The following ZSWIM9 variants were observed in gnomAD, a reference collection of about 807,000 sequenced individuals.
ZSWIM9 encodes the protein zinc finger SWIM-type containing 9, also known as uncharacterized protein ZSWIM9.
In ZSWIM9, 11 loss-of-function variants were observed where a neutral mutation model predicts 25.0. The observed-to-expected ratio is 0.44, with a 90% CI of 0.28 to 0.73. The LOEUF (loss-of-function observed/expected upper bound fraction) is 0.73. Among genes scored for constraint, ZSWIM9 ranks in the 30% least tolerant of loss-of-function variants. ZSWIM9 has a pLI of 0.16. For missense variants in ZSWIM9, 1,070 were observed against 1,296.5 expected (o/e 0.83, Z 2.68); for synonymous variants, 562 against 582.1 (o/e 0.97, Z 0.50).
chr19:48,192,468 A>ATGTATATATAT (rs1173330681), intron 3 of ZSWIM9, among the ~76,000 whole-genome samples: 3 of 23,876 alleles, frequency 1.3e-4, no homozygotes, highest in Admixed American at 6.9e-4. Context: ...AAAAAAAAAA[A>ATGTATATATAT]AAAAAAAAAA....
chr19:48,195,506 C>G lies in ZSWIM9; in HGVS notation c.1442C>G (p.Pro481Arg), dbSNP rs1599938653. The change falls in exon 4 of 4, where the codon CCG becomes CGG. Residue 481 changes from proline (P) to arginine (R), a missense_variant. By Grantham distance (103) the Pro-to-Arg change is moderately radical. Around this residue, in one of 4 missense-constraint regions of ZSWIM9, gnomAD observed 583 missense variants for 624.7 expected, o/e 0.93. Coordinates refer to ENST00000614654, the MANE Select transcript of ZSWIM9 (RefSeq NM_199341.4). The surrounding 1 kb of genome is among the most constrained non-coding windows in gnomAD (Gnocchi z 5.8). ...GLETGDWGGA[P>R]KEGSIWRGAQ... Reference sequence around the variant, plus strand: ...GAGACAGGCGACTGGGGAGGGGCTCCGAAAGAAGGAAGTATTTGGAGGGGA... The same window carrying G: ...GAGACAGGCGACTGGGGAGGGGCTCGGAAAGAAGGAAGTATTTGGAGGGGA... 3 of 1,409,088 alleles carry G rather than the reference C, an allele frequency of 2.1e-6. No individual in the cohort carries two copies. The highest frequency in any genetic ancestry group is 2.8e-6 in the Non-Finnish European group (3 of 1,088,572). The allele number at this position is 1,409,088 out of a possible 1,614,324, so 87.3% of individuals were successfully genotyped here. A position where few individuals can be genotyped will look rare whatever the true frequency, so the allele number is the denominator to read the frequency against.
At chr19:48,183,819 A>G (rs1342873288) in intron 3 of ZSWIM9, among the ~76,000 whole-genome samples, 1 of 148,196 alleles carries the variant, frequency 6.7e-6, no homozygotes, top group African/African-American at 2.5e-5. Context: ...TAGTTTTTGT[A>G]GAGATGTTTG....
rs946137016 is a variant in ZSWIM9 at position 48,172,095 on chromosome 19, G to A, written c.275+18G>A. On this transcript the variant is annotated intron_variant, in intron 2 of 3. Transcript: ENST00000614654. ...GCCGTGGGGTGCGTGAACCTGAGCC[G>A]CTGTCCTGCTGGGGGGAAGGGGAGC... The A allele has an allele frequency of 5.4e-6, 8 of 1,492,700 alleles. No individual in the cohort carries two copies. In the Admixed American group the frequency reaches 6.3e-5, roughly 12 times the overall value. 92.5% of individuals were successfully genotyped at this position (1,492,700 alleles called of 1,614,324 possible). A position where few individuals can be genotyped will look rare whatever the true frequency, so the allele number is the denominator to read the frequency against.
At chr19:48,192,498 T>TATATATATATATATACACACACAC (rs369454865) in intron 3 of ZSWIM9, among the ~76,000 whole-genome samples, 1 of 20,766 alleles carries the variant, frequency 4.8e-5, no homozygotes, top group African/African-American at 1.4e-4. Flanking sequence ...TATATATATA[T>TATATATATATATATACACACACAC]ACACACACAC....
rs2123471426 is a variant in ZSWIM9, at chr19:48,197,039, G to A, written c.*212G>A. The A allele has an allele frequency of 5.4e-6, 3 of 551,014 alleles. No individual in the cohort carries two copies. Among genetic ancestry groups the A allele is most frequent in the South Asian group, 5.6e-5 (2 of 35,626 alleles). The allele number at this position is 551,014 out of a possible 1,614,324, so 34.1% of individuals were successfully genotyped here. A position where few individuals can be genotyped will look rare whatever the true frequency, so the allele number is the denominator to read the frequency against. ...GGTCCTGGAGCCACAGCTTGGGAAGGTGTTGATGGGCAGGGTGGATTCTGA... is the reference window on the plus strand; with the variant it reads ...GGTCCTGGAGCCACAGCTTGGGAAGATGTTGATGGGCAGGGTGGATTCTGA... On this transcript the variant is annotated 3_prime_UTR_variant, in exon 4 of 4. Coordinates refer to ENST00000614654, the MANE Select transcript of ZSWIM9 (RefSeq NM_199341.4).
rs1294432521 is a variant in ZSWIM9, at chr19:48,190,104, G to A, written c.589-4549G>A. Among the ~76,000 whole-genome samples the A allele has an allele frequency of 2.0e-5, 3 of 151,766 alleles. No homozygotes were observed. The East Asian group carries it at 5.8e-4, about 29-fold the overall frequency. On this transcript the variant is annotated intron_variant, in intron 3 of 3. Transcript: ENST00000614654. ...TGTAGTCCCAGCTACTCGGGAGACT[G>A]AGGCAGAAGAATCACTTAAACCTGG...
Position 48,181,502 on chromosome 19 carries a change from C to G in ZSWIM9, c.276-953C>G, listed in dbSNP as rs538367467. 2.0e-5 allele frequency: 3 copies of G among 152,262 alleles called. No individual in the cohort carries two copies. The East Asian group carries it at 5.8e-4, about 29-fold the overall frequency. The allele number at this position is 152,262 out of a possible 1,614,324, so 9.4% of individuals were successfully genotyped here. On this transcript the variant is annotated intron_variant, in intron 2 of 3. Transcript: ENST00000614654. ...ATATACCACAACTTATTTTCTCACT[C>G]TATTGTTGGATATTTAGGTTTCAAG...
chr19:48,176,142 G>T (rs969453710), intron 2 of ZSWIM9, among the ~76,000 whole-genome samples: 3 of 152,122 alleles, frequency 2.0e-5, no homozygotes, highest in African/African-American at 4.8e-5. Context: ...GGAGGCGAAG[G>T]TTGCAGTGAG....
rs2037151338 is a variant in ZSWIM9, at chr19:48,195,584, G to C, written c.1520G>C (p.Gly507Ala). 7.1e-7 allele frequency: 1 copy of C among 1,417,956 alleles called. No homozygotes were observed. Among genetic ancestry groups the C allele is most frequent in the Non-Finnish European group, 9.2e-7 (1 of 1,091,398 alleles). The allele number at this position is 1,417,956 out of a possible 1,614,324, so 87.8% of individuals were successfully genotyped here. A position where few individuals can be genotyped will look rare whatever the true frequency, so the allele number is the denominator to read the frequency against. The change falls in exon 4 of 4, where the codon GGG (glycine) becomes GCG (alanine). Residue 507 changes from glycine (G) to alanine (A), a missense_variant. By Grantham distance (60) the Gly-to-Ala change is moderately conservative. Coordinates refer to ENST00000614654, the MANE Select transcript of ZSWIM9 (RefSeq NM_199341.4). The surrounding 1 kb of genome is among the most constrained non-coding windows in gnomAD (Gnocchi z 5.8). Reference protein sequence around the residue: ...ARALETRDWGGAQFEGEKGRA... With the variant: ...ARALETRDWGAAQFEGEKGRA... ...GCACTGGAAACCAGAGACTGGGGCGGGGCTCAGTTCGAAGGTGAGAAGGGG... is the reference window on the plus strand; with the variant it reads ...GCACTGGAAACCAGAGACTGGGGCGCGGCTCAGTTCGAAGGTGAGAAGGGG...
At chr19:48,171,277 C>T (rs2036801336) in intron 1 of ZSWIM9, 2 of 985,128 alleles carry the variant, frequency 2.0e-6, no homozygotes, top group Admixed American at 6.2e-5. Flanking sequence ...GTGAGGGGTC[C>T]GTGGCCTGGA....
chr19:48,186,832 G>T (rs993052942), intron 3 of ZSWIM9: 2 of 153,062 alleles, frequency 1.3e-5, no homozygotes, highest in African/African-American at 4.8e-5. Context: ...ACCCACTTGG[G>T]GTTCAGAATC....
At chr19:48,191,271 C>A (rs553416634) in intron 3 of ZSWIM9, among the ~76,000 whole-genome samples, 10 of 152,268 alleles carry the variant, frequency 6.6e-5, no homozygotes, top group African/African-American at 2.2e-4. Flanking sequence ...GTGGCACAAT[C>A]TCGGCTCACT....
Position 48,194,706 on chromosome 19 carries a change from G to A in ZSWIM9, c.642G>A (p.Leu214=), listed in dbSNP as rs1013780377. Residue 214 remains leucine, a synonymous_variant, in exon 4 of 4, where the codon CTG becomes CTA. Coordinates refer to ENST00000614654, the MANE Select transcript of ZSWIM9 (RefSeq NM_199341.4). The surrounding 1 kb of genome is among the most constrained non-coding windows in gnomAD (Gnocchi z 6.0). ...CTGTGGTGGAGACGGTGTTCTTCCT[G>A]ACGTCGCGCACCAGGGCGCTGCTGC... is the stretch of plus-strand genomic sequence containing the variant. ...DQAVVETVFF[L]TSRTRALLRR... is the part of the protein sequence containing the mutation. 8 of 1,528,392 alleles carry A rather than the reference G, an allele frequency of 5.2e-6. No individual in the cohort carries two copies. The highest frequency in any genetic ancestry group is 1.7e-4 in the Middle Eastern group (1 of 5,946). The allele number at this position is 1,528,392 out of a possible 1,614,324, so 94.7% of individuals were successfully genotyped here.
rs888700959 is a variant in ZSWIM9 at position 48,197,006 on chromosome 19, G to C, written c.*179G>C. On this transcript the variant is annotated 3_prime_UTR_variant, in exon 4 of 4. Transcript: ENST00000614654. ...TGGGTCCAAGGGCAAGCTGTAAGTG[G>C]TCTCTGAGGTCCTGGAGCCACAGCT... 1 of 585,992 alleles carries C rather than the reference G, an allele frequency of 1.7e-6. No individual in the cohort carries two copies. Among genetic ancestry groups the C allele is most frequent in the Non-Finnish European group, 2.8e-6 (1 of 358,492 alleles). 36.3% of individuals were successfully genotyped at this position (585,992 alleles called of 1,614,324 possible).
In ZSWIM9 at chr19:48,195,536, A is replaced by G; in HGVS notation, c.1472A>G (p.Gln491Arg). ...PKEGSIWRGA[Q>R]MEKEWARALE... ...GAAGGAAGTATTTGGAGGGGAGCCC[A>G]GATGGAGAAGGAGTGGGCAAGGGCA... Residue 491 changes from glutamine (Q) to arginine (R), a missense_variant, in exon 4 of 4, where the codon CAG becomes CGG. Coordinates refer to ENST00000614654, the MANE Select transcript of ZSWIM9 (RefSeq NM_199341.4). The surrounding 1 kb of genome is among the most constrained non-coding windows in gnomAD (Gnocchi z 5.8). 1.4e-6 allele frequency: 2 copies of G among 1,414,494 alleles called. No homozygotes were observed. The highest frequency in any genetic ancestry group is 1.8e-6 in the Non-Finnish European group (2 of 1,090,888). 87.6% of individuals were successfully genotyped at this position (1,414,494 alleles called of 1,614,324 possible).
rs142099351 is a variant in ZSWIM9, at chr19:48,182,707, C to T, written c.528C>T (p.His176=). ...RLLSYCKGRD[H]GVLDALHVLE... ...TGTCCTACTGCAAGGGCCGCGACCA[C>T]GGCGTCCTGGACGCCCTGCACGTGC... Residue 176 remains histidine (H), a synonymous_variant, in exon 3 of 4, where the codon CAC becomes CAT. Transcript: ENST00000614654. This position sits in a 1 kb window ranked among gnomAD's most constrained non-coding sequence, Gnocchi z 4.6. 2.6e-4 allele frequency: 400 copies of T among 1,535,462 alleles called. No homozygotes were observed. In the African/African-American group the frequency reaches 4.0e-3, roughly 15 times the overall value.
chr19:48,188,667 C>T (rs1173062341), intron 3 of ZSWIM9, among the ~76,000 whole-genome samples: 1 of 152,290 alleles, frequency 6.6e-6, no homozygotes, highest in East Asian at 1.9e-4. Flanking sequence ...GGAAACGTTG[C>T]AGCGTTCTCT....
At chr19:48,190,119 C>G (rs1436017237) in intron 3 of ZSWIM9, among the ~76,000 whole-genome samples, 1 of 151,476 alleles carries the variant, frequency 6.6e-6, no homozygotes. Flanking sequence ...AGAAGAATCA[C>G]TTAAACCTGG....
intron 3 of ZSWIM9, among the ~76,000 whole-genome samples, chr19:48,185,137 CTTTTT>C (rs34561252): frequency 8.0e-6 from 1 of 124,324 alleles, no homozygotes; most frequent in Non-Finnish European, 1.7e-5. Flanking sequence ...TGCTTTCATA[CTTTTT>C]TTTTTTTTTT....
Sources: gnomAD v4.1 joint callset for allele counts (sites outside exome capture counted in the v4.1 genomes callset) on GRCh38, gnomAD v4.1.1 for gene constraint, gnomAD v4.1.1 regional missense constraint, Gnocchi (gnomAD v3.1) non-coding constraint, MANE v1.5 for transcripts, NCBI Gene and HGNC (gene_info 2026-07-23, HGNC 2026-07-21) for gene names.